The following RBMS3 variants were observed in gnomAD, a reference collection of about 807,000 sequenced individuals.
RBMS3 encodes RNA-binding motif, single-stranded-interacting protein 3.
In RBMS3, 27 loss-of-function variants were observed where a neutral mutation model predicts 66.8. That is an observed-to-expected ratio of 0.40 (90% CI 0.30 to 0.56). The LOEUF is 0.56. Among genes scored for constraint, RBMS3 ranks in the 20% least tolerant of loss-of-function variants. The probability of loss-of-function intolerance (pLI) is 0.40; values close to 1 mark genes in which losing one functional copy is unlikely to be tolerated. For synonymous variants in RBMS3, 188 were observed against 183.0 expected (o/e 1.03, Z -0.22); for missense variants, 513 against 549.5 (o/e 0.93, Z 0.66).
chr3:29,953,322 A>G (rs748062664), intron 12 of RBMS3, among the ~76,000 whole-genome samples: 2 of 151,916 alleles, frequency 1.3e-5, no homozygotes, highest in Non-Finnish European at 2.9e-5. Context: ...GAGATGTTTG[A>G]TTGTTTAGGT....
chr3:29,367,947 A>G (rs1290296688), intron 1 of RBMS3, among the ~76,000 whole-genome samples: 1 of 152,022 alleles, frequency 6.6e-6, no homozygotes, highest in Non-Finnish European at 1.5e-5. Context: ...CATCCCTAAG[A>G]AAAAAAATCA....
At chr3:29,980,916 T>C (rs927152578) in intron 12 of RBMS3, among the ~76,000 whole-genome samples, 1 of 152,166 alleles carries the variant, frequency 6.6e-6, no homozygotes, top group Non-Finnish European at 1.5e-5. Flanking sequence ...CTATGCAGGC[T>C]CTTTTTTTGT....
intron 1 of RBMS3, among the ~76,000 whole-genome samples, chr3:29,332,105 TC>T (rs974058285): frequency 1.4e-4 from 21 of 152,090 alleles, no homozygotes; most frequent in African/African-American, 5.1e-4. Context: ...GTGATAACAG[TC>T]TTTGTGACTG....
rs779409440 is a variant in RBMS3 at position 29,851,887 on chromosome 3, AAAAGAAC to A, written c.638-16966_638-16960del. On this transcript the variant is annotated intron_variant, in intron 6 of 14. Transcript: ENST00000383767. ...CGAATAGCCAAGACAATCCTAAGCA[AAAAGAAC>A]AAAGTGGAGGAATCATACTACCTGA... Among the ~76,000 whole-genome samples the A allele has an allele frequency of 2.0e-4, 31 of 152,346 alleles. No homozygotes were observed. In the East Asian group the frequency reaches 2.9e-3, roughly 14 times the overall value.
chr3:29,373,860 T>C (rs898538576), intron 1 of RBMS3, among the ~76,000 whole-genome samples: 1 of 152,194 alleles, frequency 6.6e-6, no homozygotes, highest in Non-Finnish European at 1.5e-5. Context: ...TAAAGATGAC[T>C]GTGGAATGTT....
At chr3:29,709,741 A>G (rs533107184) in intron 4 of RBMS3, among the ~76,000 whole-genome samples, 1 of 152,298 alleles carries the variant, frequency 6.6e-6, no homozygotes, top group African/African-American at 2.4e-5. Context: ...AGGCCTATAT[A>G]ATGCACATTT....
chr3:29,521,182 C>A (rs1377151677), intron 3 of RBMS3, among the ~76,000 whole-genome samples: 2 of 151,986 alleles, frequency 1.3e-5, no homozygotes, highest in African/African-American at 4.8e-5. Context: ...TATTATTTTT[C>A]ATCTCCCCAG....
chr3:29,683,420 A>G (rs1038383842), intron 4 of RBMS3, among the ~76,000 whole-genome samples: 1 of 152,220 alleles, frequency 6.6e-6, no homozygotes, highest in African/African-American at 2.4e-5. Context: ...TGTGCTGCCA[A>G]ATTGAACAAT....
intron 6 of RBMS3, among the ~76,000 whole-genome samples, chr3:29,787,839 TA>T (rs578172830): frequency 4.6e-5 from 7 of 152,080 alleles, no homozygotes; most frequent in Admixed American, 6.6e-5. Flanking sequence ...CTACTGAAAT[TA>T]AAAAAAATTA....
intron 1 of RBMS3, among the ~76,000 whole-genome samples, chr3:29,414,862 C>G (rs1342959819): frequency 6.6e-6 from 1 of 152,156 alleles, no homozygotes; most frequent in Non-Finnish European, 1.5e-5. Context: ...CTACAGTGAG[C>G]AATTATCCCA....
At chr3:29,847,141 A>C (rs948415725) in intron 6 of RBMS3, among the ~76,000 whole-genome samples, 1 of 152,226 alleles carries the variant, frequency 6.6e-6, no homozygotes, top group African/African-American at 2.4e-5. Context: ...TAAATGAATG[A>C]AGCTTTTTAG....
At chr3:29,360,326 GGTTGTTCA>G (rs563893143) in intron 1 of RBMS3, among the ~76,000 whole-genome samples, 6,800 of 152,012 alleles carry the variant, frequency 0.045, 219 homozygotes, top group Non-Finnish European at 0.064. Flanking sequence ...TTCAGGAGCA[GGTTGTTCA>G]GTTTCCATGT....
chr3:29,996,315 A>G (rs1311029647), intron 14 of RBMS3, among the ~76,000 whole-genome samples: 1 of 150,978 alleles, frequency 6.6e-6, no homozygotes, highest in African/African-American at 2.4e-5. Flanking sequence ...ACACATTAAT[A>G]ATGGGAGACT....
intron 4 of RBMS3, among the ~76,000 whole-genome samples, chr3:29,685,175 C>T (rs1486415985): frequency 1.3e-5 from 2 of 152,128 alleles, no homozygotes; most frequent in African/African-American, 4.8e-5. Context: ...TCTCCTGCCT[C>T]AGCCTCCCGA....
At chr3:29,990,439 C>G (rs1698768279) in intron 13 of RBMS3, among the ~76,000 whole-genome samples, 1 of 138,006 alleles carries the variant, frequency 7.2e-6, no homozygotes, top group Admixed American at 7.7e-5. Context: ...GAAATCCACT[C>G]TTGCCAGCAT....
intron 6 of RBMS3, among the ~76,000 whole-genome samples, chr3:29,811,882 G>A (rs200414608): frequency 1.3e-5 from 2 of 152,234 alleles, no homozygotes; most frequent in African/African-American, 2.4e-5. Flanking sequence ...ATTGCTGAGG[G>A]TATGCTCTGC....
rs1699746824 is a variant in RBMS3 at position 30,004,521 on chromosome 3, G to A, written c.*659G>A. The A allele has an allele frequency of 6.6e-6, 1 of 152,054 alleles. No homozygotes were observed. Among genetic ancestry groups the A allele is most frequent in the South Asian group, 2.1e-4 (1 of 4,814 alleles). 9.4% of individuals were successfully genotyped at this position (152,054 alleles called of 1,614,324 possible). A position where few individuals can be genotyped will look rare whatever the true frequency, so the allele number is the denominator to read the frequency against. ...GAAGTTTAAGACTATGAGTTTTTAG[G>A]GTGAAGAAAAAACTGTACAGTTTAA... On this transcript the variant is annotated 3_prime_UTR_variant, in exon 15 of 15. Coordinates refer to ENST00000383767, the MANE Select transcript of RBMS3 (RefSeq NM_001003793.3).
At chr3:29,727,684 A>T (rs1224127212) in intron 4 of RBMS3, among the ~76,000 whole-genome samples, 1 of 152,154 alleles carries the variant, frequency 6.6e-6, no homozygotes, top group Non-Finnish European at 1.5e-5. Context: ...TTAGAATGGC[A>T]GTTATTAAAA....
At chr3:29,507,532 T>C (rs1025515270) in intron 3 of RBMS3, among the ~76,000 whole-genome samples, 3 of 152,092 alleles carry the variant, frequency 2.0e-5, no homozygotes, top group East Asian at 1.9e-4. Context: ...GCTCTGCTAA[T>C]AACTAGGTCA....
Sources: gnomAD v4.1 joint callset for allele counts (sites outside exome capture counted in the v4.1 genomes callset) on GRCh38, gnomAD v4.1.1 for gene constraint, MANE v1.5 for transcripts, NCBI Gene and HGNC (gene_info 2026-07-23, HGNC 2026-07-21) for gene names.